The following ZC3H10 variants were observed in gnomAD, a reference collection of about 807,000 sequenced individuals.
ZC3H10 encodes the protein zinc finger CCCH domain-containing protein 10.
ZC3H10 carries 12 observed loss-of-function variants against 24.3 expected under a neutral mutation model. The observed-to-expected ratio is 0.49, with a 90% CI of 0.32 to 0.80. The LOEUF (loss-of-function observed/expected upper bound fraction) is 0.80, where lower values mean the gene tolerates loss of function less well. Among genes scored for constraint, ZC3H10 ranks in the 30% least tolerant of loss-of-function variants. The pLI is 0.04. For missense variants in ZC3H10, 360 were observed against 576.3 expected (o/e 0.62, Z 3.84); for synonymous variants, 226 against 217.0 (o/e 1.04, Z -0.36).
chr12:56,125,702 C>T lies in ZC3H10; in HGVS notation c.*3835C>T, dbSNP rs1285584653. On this transcript the variant is annotated 3_prime_UTR_variant, in exon 3 of 3. Coordinates refer to ENST00000257940, the MANE Select transcript of ZC3H10 (RefSeq NM_032786.3). ...GCAAGTAAGGAATGGGGCCAGGAAT[C>T]TATTCAGGCAGTCTCACTCCAGACG... 6.6e-6 allele frequency: 1 copy of T among 151,992 alleles called. No homozygotes were observed. The highest frequency in any genetic ancestry group is 2.4e-5 in the African/African-American group (1 of 41,356). The allele number at this position is 151,992 out of a possible 1,614,324, so 9.4% of individuals were successfully genotyped here.
In ZC3H10 at chr12:56,124,179, C is replaced by G. The variant is rs1465516446; in HGVS notation, c.*2312C>G. On this transcript the variant is annotated 3_prime_UTR_variant, in exon 3 of 3. Coordinates refer to ENST00000257940, the MANE Select transcript of ZC3H10 (RefSeq NM_032786.3). Reference sequence around the variant, plus strand: ...GCACAGTCGATGATGAAGTCACTCACTAGCTGGGAAAGGGGATGTTTGCTG... The same window carrying G: ...GCACAGTCGATGATGAAGTCACTCAGTAGCTGGGAAAGGGGATGTTTGCTG... The G allele has an allele frequency of 2.0e-5, 3 of 152,234 alleles. No individual in the cohort carries two copies. The highest frequency in any genetic ancestry group is 4.8e-5 in the African/African-American group (2 of 41,456). The allele number at this position is 152,234 out of a possible 1,614,324, so 9.4% of individuals were successfully genotyped here.
At chr12:56,120,396 C>G in intron 2 of ZC3H10, 115 bp from the exon 3 acceptor site, 1 of 1,370,404 alleles carries the variant, frequency 7.3e-7, no homozygotes, top group Non-Finnish European at 9.4e-7. Flanking sequence ...GAATTCTTAT[C>G]CCTTAGATTC....
rs1869992644 is a variant in ZC3H10, at chr12:56,126,334, G to T, written c.*4467G>T. On this transcript the variant is annotated 3_prime_UTR_variant, in exon 3 of 3. Coordinates refer to ENST00000257940, the MANE Select transcript of ZC3H10 (RefSeq NM_032786.3). ...CATCCCTTCCTGTTGTCCACTTACT[G>T]CTTATCACCACCAGGTGGCACCTGG... The T allele has an allele frequency of 6.6e-6, 1 of 152,132 alleles. No homozygotes were observed. Among genetic ancestry groups the T allele is most frequent in the African/African-American group, 2.4e-5 (1 of 41,396 alleles). The allele number at this position is 152,132 out of a possible 1,614,324, so 9.4% of individuals were successfully genotyped here. A position where few individuals can be genotyped will look rare whatever the true frequency, so the allele number is the denominator to read the frequency against.
In ZC3H10 at chr12:56,121,370, G is replaced by A. The variant is rs1476084691; in HGVS notation, c.808G>A (p.Glu270Lys). 6.2e-7 allele frequency: 1 copy of A among 1,614,034 alleles called. No individual in the cohort carries two copies. Among genetic ancestry groups the A allele is most frequent in the Non-Finnish European group, 8.5e-7 (1 of 1,179,990 alleles). The change falls in exon 3 of 3, where the codon GAA (glutamate) becomes AAA (lysine). Residue 270 changes from glutamate to lysine, a missense_variant. Glu to Lys is a moderately conservative substitution (Grantham distance 56). Transcript: ENST00000257940. The surrounding 1 kb of genome is among the most constrained non-coding windows in gnomAD (Gnocchi z 6.2). ...GCTGGCCACCAATGAGGTACTACTG[G>A]AACAAAATGCTCAGTTCCGCAATCA... ...NLLATNEVLL[E>K]QNAQFRNQAK...
chr12:56,121,466 G>A lies in ZC3H10; in HGVS notation c.904G>A (p.Val302Ile). 1 of 1,610,950 alleles carries A rather than the reference G, an allele frequency of 6.2e-7. No homozygotes were observed. The highest frequency in any genetic ancestry group is 8.5e-7 in the Non-Finnish European group (1 of 1,177,376). The stretch of plus-strand genomic sequence containing the variant: ...GACTCTGGCCCCCACTGTGGGCACT[G>A]TTGCCACTTTTAACCATGGCATTGC... ...EQTLAPTVGT[V>I]ATFNHGIAQT... The change falls in exon 3 of 3, where the codon GTT becomes ATT. Residue 302 changes from valine (V) to isoleucine (I), a missense_variant. This residue lies in a region of ZC3H10 where 133 missense variants were observed against 256.7 expected (regional missense o/e 0.52). Coordinates refer to ENST00000257940, the MANE Select transcript of ZC3H10 (RefSeq NM_032786.3). This position sits in a 1 kb window ranked among gnomAD's most constrained non-coding sequence, Gnocchi z 6.2.
chr12:56,120,152 C>T, intron 2 of ZC3H10: 3 of 963,536 alleles, frequency 3.1e-6, no homozygotes, highest in Non-Finnish European at 3.7e-6. Context: ...CCATCTTGGG[C>T]ACTATTCCCA....
rs1276160660 is a variant in ZC3H10, at chr12:56,122,145, G to A, written c.*278G>A. 2.2e-6 allele frequency: 1 copy of A among 458,834 alleles called. No individual in the cohort carries two copies. The highest frequency in any genetic ancestry group is 3.5e-5 in the East Asian group (1 of 28,368). 28.4% of individuals were successfully genotyped at this position (458,834 alleles called of 1,614,324 possible). ...GAGAGGAAGGACTGACTGAGGGGCT[G>A]TGTCCTCTTATGGGAATTTGGGAAC... On this transcript the variant is annotated 3_prime_UTR_variant, in exon 3 of 3. Transcript: ENST00000257940.
rs1405124836 is a variant in ZC3H10, at chr12:56,125,421, G to A, written c.*3554G>A. 6.6e-6 allele frequency: 1 copy of A among 152,026 alleles called. No homozygotes were observed. Among genetic ancestry groups the A allele is most frequent in the Non-Finnish European group, 1.5e-5 (1 of 68,042 alleles). 9.4% of individuals were successfully genotyped at this position (152,026 alleles called of 1,614,324 possible). The stretch of plus-strand genomic sequence containing the variant: ...TCTTTTTGTATTTTTAGTAGAGACG[G>A]GGTTTCACCGTGTTAGCCAGGACGG... On this transcript the variant is annotated 3_prime_UTR_variant, in exon 3 of 3. Coordinates refer to ENST00000257940, the MANE Select transcript of ZC3H10 (RefSeq NM_032786.3).
In ZC3H10 at chr12:56,122,167, G is replaced by A; in HGVS notation, c.*300G>A. 2.4e-6 allele frequency: 1 copy of A among 411,910 alleles called. No individual in the cohort carries two copies. Among genetic ancestry groups the A allele is most frequent in the Non-Finnish European group, 4.5e-6 (1 of 220,670 alleles). The allele number at this position is 411,910 out of a possible 1,614,324, so 25.5% of individuals were successfully genotyped here. On this transcript the variant is annotated 3_prime_UTR_variant, in exon 3 of 3. Coordinates refer to ENST00000257940, the MANE Select transcript of ZC3H10 (RefSeq NM_032786.3). Reference sequence around the variant, plus strand: ...GCTGTGTCCTCTTATGGGAATTTGGGAACATCCCTCGTCTTGTCCTCTCTT... The same window carrying A: ...GCTGTGTCCTCTTATGGGAATTTGGAAACATCCCTCGTCTTGTCCTCTCTT...
chr12:56,122,096 G>A lies in ZC3H10; in HGVS notation c.*229G>A, dbSNP rs1379480696. 1 of 584,706 alleles carries A rather than the reference G, an allele frequency of 1.7e-6. No individual in the cohort carries two copies. Among genetic ancestry groups the A allele is most frequent in the African/African-American group, 1.9e-5 (1 of 53,484 alleles). The allele number at this position is 584,706 out of a possible 1,614,324, so 36.2% of individuals were successfully genotyped here. On this transcript the variant is annotated 3_prime_UTR_variant, in exon 3 of 3. Coordinates refer to ENST00000257940, the MANE Select transcript of ZC3H10 (RefSeq NM_032786.3). ...TCAAGCCTCACAGTGGGGGCTTGCA[G>A]AGGAGTGCAGACTGAAGCCAGCAGA...
rs143673140 is a variant in ZC3H10 at position 56,120,630 on chromosome 12, G to A, written c.68G>A (p.Ser23Asn). 15,555 of 1,601,144 alleles carry A rather than the reference G, an allele frequency of 9.7e-3. 113 individuals are homozygous for A. Among genetic ancestry groups the A allele is most frequent in the Non-Finnish European group, 0.011 (12,429 of 1,172,724 alleles). The change falls in exon 3 of 3, where the codon AGC (serine) becomes AAC (asparagine). Residue 23 changes from serine (S) to asparagine (N), a missense_variant. Physicochemically the swap from Ser to Asn is conservative, Grantham distance 46 (BLOSUM62 1). Transcript: ENST00000257940. The stretch of plus-strand genomic sequence containing the variant: ...GGTGGAGGCCCTGGAGGTGGTGGCA[G>A]CGAGGAGGCCAGTGGGGCAGGGGTA... ...SSGGGPGGGG[S>N]EEASGAGVGS...
Position 56,125,855 on chromosome 12 carries a change from G to C in ZC3H10, c.*3988G>C, listed in dbSNP as rs904067691. On this transcript the variant is annotated 3_prime_UTR_variant, in exon 3 of 3. Coordinates refer to ENST00000257940, the MANE Select transcript of ZC3H10 (RefSeq NM_032786.3). ...GGCTGGAGTGTAGTGGCGTGATCTCGGCCCACTGCAGCCTCCGCCTCTCGG... is the reference window on the plus strand; with the variant it reads ...GGCTGGAGTGTAGTGGCGTGATCTCCGCCCACTGCAGCCTCCGCCTCTCGG... The C allele has an allele frequency of 4.7e-5, 7 of 148,462 alleles. No individual in the cohort carries two copies. The highest frequency in any genetic ancestry group is 1.0e-4 in the Non-Finnish European group (7 of 67,758). The allele number at this position is 148,462 out of a possible 1,614,324, so 9.2% of individuals were successfully genotyped here.
At chr12:56,120,427 C>T in intron 2 of ZC3H10, 84 bp from the exon 3 acceptor site, 4 of 1,388,578 alleles carry the variant, frequency 2.9e-6, no homozygotes, top group African/African-American at 1.5e-5. Context: ...AAGCCATTGC[C>T]CCTCTGGGCC....
Position 56,121,979 on chromosome 12 carries a change from G to C in ZC3H10, c.*112G>C, listed in dbSNP as rs1191741820. On this transcript the variant is annotated 3_prime_UTR_variant, in exon 3 of 3. Transcript: ENST00000257940. The surrounding 1 kb of genome is among the most constrained non-coding windows in gnomAD (Gnocchi z 6.2). ...GTCTGAAGGGCTCCCTTGAGAACTA[G>C]GACAAGAGACTACAAGGAGTATGTC... 3 of 1,291,622 alleles carry C rather than the reference G, an allele frequency of 2.3e-6. No individual in the cohort carries two copies. Among genetic ancestry groups the C allele is most frequent in the African/African-American group, 3.0e-5 (2 of 66,406 alleles). The allele number at this position is 1,291,622 out of a possible 1,614,324, so 80.0% of individuals were successfully genotyped here. A position where few individuals can be genotyped will look rare whatever the true frequency, so the allele number is the denominator to read the frequency against.
chr12:56,121,821 AC>A lies in ZC3H10; in HGVS notation c.1262del (p.Pro421LeufsTer52). The A allele has an allele frequency of 6.2e-7, 1 of 1,613,778 alleles. No individual in the cohort carries two copies. Among genetic ancestry groups the A allele is most frequent in the South Asian group, 1.1e-5 (1 of 91,066 alleles). On this transcript the variant is annotated frameshift_variant, in exon 3 of 3. Transcript: ENST00000257940. LOFTEE classifies it high-confidence loss of function. The surrounding 1 kb of genome is among the most constrained non-coding windows in gnomAD (Gnocchi z 6.2). ...MSHTTTPMVT[Y>X]PIASQSMRIT... ...CACACCACCACTCCCATGGTGACTT[AC>A]CCTATCGCTTCCCAGAGCATGCGCA...
rs1869884387 is a variant in ZC3H10 at position 56,122,748 on chromosome 12, T to C, written c.*881T>C. ...CCCATCTGTTTCTGGTCTCTGTCTG[T>C]ATGTGCTATTCCCAGGTTGCCTCAG... On this transcript the variant is annotated 3_prime_UTR_variant, in exon 3 of 3. Coordinates refer to ENST00000257940, the MANE Select transcript of ZC3H10 (RefSeq NM_032786.3). 6.6e-6 allele frequency: 1 copy of C among 152,248 alleles called. No individual in the cohort carries two copies. Among genetic ancestry groups the C allele is most frequent in the Non-Finnish European group, 1.5e-5 (1 of 68,052 alleles). 9.4% of individuals were successfully genotyped at this position (152,248 alleles called of 1,614,324 possible). A position where few individuals can be genotyped will look rare whatever the true frequency, so the allele number is the denominator to read the frequency against.
chr12:56,125,784 A>G lies in ZC3H10; in HGVS notation c.*3917A>G, dbSNP rs61938986. 16 of 115,222 alleles carry G rather than the reference A, an allele frequency of 1.4e-4. No individual in the cohort carries two copies. Among genetic ancestry groups the G allele is most frequent in the Non-Finnish European group, 2.2e-4 (12 of 55,800 alleles). 7.1% of individuals were successfully genotyped at this position (115,222 alleles called of 1,614,324 possible). The stretch of plus-strand genomic sequence containing the variant: ...AACAAAGCGATCACTACTTGGCAGT[A>G]ATTTTTTTTTTTTTTTTTTGAGACG... On this transcript the variant is annotated 3_prime_UTR_variant, in exon 3 of 3. Coordinates refer to ENST00000257940, the MANE Select transcript of ZC3H10 (RefSeq NM_032786.3).
At chr12:56,120,310 A>C in intron 2 of ZC3H10, 1 of 985,458 alleles carries the variant, frequency 1.0e-6, no homozygotes, top group African/African-American at 1.7e-5. Context: ...TAGCCAGGCA[A>C]GTGTGAATCA....
At chr12:56,118,722 G>A (rs1487412124) in intron 1 of ZC3H10, 1 of 152,276 alleles carries the variant, frequency 6.6e-6, no homozygotes, top group Admixed American at 6.5e-5. Flanking sequence ...CTGCCTTCAA[G>A]TCTAATCGGC....
Sources: gnomAD v4.1 joint callset for allele counts on GRCh38, gnomAD v4.1.1 for gene constraint, gnomAD v4.1.1 regional missense constraint, Gnocchi (gnomAD v3.1) non-coding constraint, MANE v1.5 for transcripts, NCBI Gene and HGNC (gene_info 2026-07-23, HGNC 2026-07-21) for gene names.